Variants in SMNDC1 observed in about 807,000 individuals in gnomAD.
The protein encoded by SMNDC1 is survival of motor neuron-related-splicing factor 30.
Under a neutral mutation model 29.2 loss-of-function variants are expected in SMNDC1, and 5 were observed. That is an observed-to-expected ratio of 0.17 (90% confidence interval 0.09 to 0.36). SMNDC1 has a LOEUF of 0.36. Ranked by LOEUF, SMNDC1 falls within the 10% of genes least tolerant of loss-of-function variation. The pLI, the probability that SMNDC1 is intolerant of heterozygous loss-of-function variation, is 1.00. For missense variants in SMNDC1, 142 were observed against 268.5 expected (o/e 0.53, Z 3.29); for synonymous variants, 80 against 89.9 (o/e 0.89, Z 0.62).
In SMNDC1 at chr10:110,291,168, C is replaced by A. The variant is rs1284112793; in HGVS notation, c.*2982G>T. 6.6e-6 allele frequency: 1 copy of A among 152,196 alleles called. No individual in the cohort carries two copies. Among genetic ancestry groups the A allele is most frequent in the East Asian group, 1.9e-4 (1 of 5,204 alleles). The allele number at this position is 152,196 out of a possible 1,614,324, so 9.4% of individuals were successfully genotyped here. On this transcript the variant is annotated 3_prime_UTR_variant, in exon 6 of 6. Coordinates refer to ENST00000369603, the MANE Select transcript of SMNDC1 (RefSeq NM_005871.4). ...TCAAACTTTTATAGTTAACAGTTCT[C>A]AGACGGGGATGCACATCAGGATCAC...
In SMNDC1 at chr10:110,298,728, T is replaced by A; in HGVS notation, c.183A>T (p.Ser61=). The A allele has an allele frequency of 6.2e-7, 1 of 1,613,842 alleles. No homozygotes were observed. The highest frequency in any genetic ancestry group is 1.1e-5 in the South Asian group (1 of 91,072). The change falls in exon 3 of 6, where the codon TCA becomes TCT. Residue 61 remains serine (S), a synonymous_variant. Coordinates refer to ENST00000369603, the MANE Select transcript of SMNDC1 (RefSeq NM_005871.4). ...STQPSETLAS[S]DSFASTQPTH... ...TAGGTTGAGTAGAAGCAAAACTGTC[T>A]GAACTTGCAAGCGTCTCAGAAGGTT... is the stretch of plus-strand genomic sequence containing the variant.
chr10:110,300,514 T>C, intron 2 of SMNDC1: 1 of 969,022 alleles, frequency 1.0e-6, no homozygotes, highest in Non-Finnish European at 1.2e-6. Context: ...GAAAAACTAT[T>C]TTATGTATGA....
In SMNDC1 at chr10:110,303,555, G is replaced by C; in HGVS notation, c.33C>G (p.Ser11Arg). The change falls in exon 2 of 6, where the codon AGC (serine) becomes AGG (arginine). Residue 11 changes from serine (S) to arginine (R), a missense_variant. This residue lies in a region of SMNDC1 where 20 missense variants were observed against 21.4 expected (regional missense o/e 0.93). Coordinates refer to ENST00000369603, the MANE Select transcript of SMNDC1 (RefSeq NM_005871.4). ...CAACTTGCTGGAGCTGAGCTTTGTAGCTTGCCAGCTGCTTTGCTAAATCCT... is the reference window on the plus strand; with the variant it reads ...CAACTTGCTGGAGCTGAGCTTTGTACCTTGCCAGCTGCTTTGCTAAATCCT... Reference protein sequence around the residue: MSEDLAKQLASYKAQLQQVEA... With the variant: MSEDLAKQLARYKAQLQQVEA... 2 of 1,583,546 alleles carry C rather than the reference G, an allele frequency of 1.3e-6. No homozygotes were observed. The highest frequency in any genetic ancestry group is 1.7e-6 in the Non-Finnish European group (2 of 1,168,780).
intron 4 of SMNDC1, 67 bp downstream of exon 4, chr10:110,297,500 T>G: frequency 7.0e-7 from 1 of 1,438,434 alleles, no homozygotes; most frequent in Non-Finnish European, 9.6e-7. Context: ...AGATTCTCTC[T>G]GCAGACTACT....
intron 5 of SMNDC1, 114 bp from the exon 6 acceptor site, chr10:110,294,401 C>T: frequency 1.1e-6 from 1 of 874,084 alleles, no homozygotes; most frequent in South Asian, 1.9e-5. Context: ...AGAAGAAAAA[C>T]ATATTGCCTT....
At chr10:110,300,831 A>G in intron 2 of SMNDC1, 2 of 490,610 alleles carry the variant, frequency 4.1e-6, no homozygotes, top group South Asian at 1.8e-4. Context: ...TCTGATTATC[A>G]TAGACTGCCC....
chr10:110,294,111 G>T lies in SMNDC1; in HGVS notation c.*39C>A. On this transcript the variant is annotated 3_prime_UTR_variant, in exon 6 of 6. Transcript: ENST00000369603. ...AAAATATAAGGATAAAAAGGTAAAT[G>T]TAAAGCCCTGCAGAGATGAAATCCA... is the stretch of plus-strand genomic sequence containing the variant. 1 of 1,464,040 alleles carries T rather than the reference G, an allele frequency of 6.8e-7. No individual in the cohort carries two copies. The highest frequency in any genetic ancestry group is 2.3e-4 in the Middle Eastern group (1 of 4,340). The allele number at this position is 1,464,040 out of a possible 1,614,324, so 90.7% of individuals were successfully genotyped here.
chr10:110,298,861 G>A, intron 2 of SMNDC1, 71 bp from the exon 3 acceptor site: 1 of 1,184,898 alleles, frequency 8.4e-7, no homozygotes, highest in Non-Finnish European at 1.2e-6. Context: ...TCTGATGACA[G>A]CCTTCATACT....
intron 2 of SMNDC1, chr10:110,300,800 C>G (rs972063593): frequency 1.3e-6 from 1 of 753,650 alleles, no homozygotes; most frequent in African/African-American, 1.9e-5. Flanking sequence ...TTCAGCAAAA[C>G]AGCCTAATAA....
chr10:110,301,263 G>C (rs942352594), intron 2 of SMNDC1, among the ~76,000 whole-genome samples: 3 of 140,506 alleles, frequency 2.1e-5, no homozygotes, highest in South Asian at 2.4e-4. Flanking sequence ...GGGGAATGAG[G>C]GGGGGAACCC....
chr10:110,297,027 T>C (rs1857572427), intron 4 of SMNDC1, among the ~76,000 whole-genome samples: 1 of 152,198 alleles, frequency 6.6e-6, no homozygotes, highest in African/African-American at 2.4e-5. Flanking sequence ...TAACAAAGAA[T>C]TCAAGCCCAG....
intron 4 of SMNDC1, among the ~76,000 whole-genome samples, chr10:110,295,824 T>G (rs1026607921): frequency 1.3e-5 from 2 of 152,154 alleles, no homozygotes; most frequent in Admixed American, 6.5e-5. Flanking sequence ...ATATTTTTAG[T>G]AGAGATAGGG....
chr10:110,300,626 G>A, intron 2 of SMNDC1: 9 of 985,332 alleles, frequency 9.1e-6, no homozygotes, highest in Non-Finnish European at 9.6e-6. Flanking sequence ...TACAGTAATC[G>A]GCAATTCCAG....
rs182294042 is a variant in SMNDC1, at chr10:110,299,477, G to A, written c.121-687C>T. On this transcript the variant is annotated intron_variant, in intron 2 of 5. Transcript: ENST00000369603. ...ACACAAAGGCAATGCCTTTCTGTGTGGCAAATATTTTTTTCTAATTCAGGC... is the reference window on the plus strand; with the variant it reads ...ACACAAAGGCAATGCCTTTCTGTGTAGCAAATATTTTTTTCTAATTCAGGC... Among the ~76,000 whole-genome samples, 709 of 152,218 alleles carry A rather than the reference G, an allele frequency of 4.7e-3. 3 individuals are homozygous for A. Among genetic ancestry groups the A allele is most frequent in the Non-Finnish European group, 6.1e-3 (414 of 68,006 alleles).
chr10:110,303,495 A>G lies in SMNDC1; in HGVS notation c.93T>C (p.Asp31=). 1 of 1,587,784 alleles carries G rather than the reference A, an allele frequency of 6.3e-7. No individual in the cohort carries two copies. Among genetic ancestry groups the G allele is most frequent in the South Asian group, 1.2e-5 (1 of 85,670 alleles). ...GTAAATCTTTCTTCAATTTTAGCAA[A>G]TCTTCATTTTCTCCATTTCCAGATA... ...AALSGNGENE[D]LLKLKKDLQE... The change falls in exon 2 of 6, where the codon GAT becomes GAC. Residue 31 remains aspartate (D), a synonymous_variant. Coordinates refer to ENST00000369603, the MANE Select transcript of SMNDC1 (RefSeq NM_005871.4).
At chr10:110,304,183 A>G (rs755958538) in intron 1 of SMNDC1, 5 of 152,256 alleles carry the variant, frequency 3.3e-5, no homozygotes, top group Non-Finnish European at 7.3e-5. Flanking sequence ...AGGCATTCTA[A>G]CGAATGTGCC....
At chr10:110,300,224 T>A (rs1224971240) in intron 2 of SMNDC1, among the ~76,000 whole-genome samples, 4 of 152,214 alleles carry the variant, frequency 2.6e-5, no homozygotes, top group Admixed American at 1.3e-4. Flanking sequence ...TCTGCACTTG[T>A]AGGTTTCAGA....
intron 4 of SMNDC1, among the ~76,000 whole-genome samples, chr10:110,296,772 C>CTAAT (rs1346047541): frequency 6.6e-6 from 1 of 152,144 alleles, no homozygotes; most frequent in African/African-American, 2.4e-5. Context: ...CTTTACCTCT[C>CTAAT]TAATCTCTTC....
intron 3 of SMNDC1, among the ~76,000 whole-genome samples, chr10:110,297,935 C>T (rs957889974): frequency 6.6e-6 from 1 of 152,180 alleles, no homozygotes; most frequent in Admixed American, 6.5e-5. Context: ...TATTGCTGGG[C>T]AAGTCTCTTA....
Sources: gnomAD v4.1 joint callset for allele counts (sites outside exome capture counted in the v4.1 genomes callset) on GRCh38, gnomAD v4.1.1 for gene constraint, gnomAD v4.1.1 regional missense constraint, MANE v1.5 for transcripts, NCBI Gene and HGNC (gene_info 2026-07-23, HGNC 2026-07-21) for gene names.